The following ZNF569 variants were observed in gnomAD, a reference collection of about 807,000 sequenced individuals.
ZNF569 encodes the protein zinc finger protein 569.
In ZNF569, 38 loss-of-function variants were observed where a neutral mutation model predicts 56.3. The ratio of observed to expected loss-of-function variants is 0.68; its 90% CI spans 0.52 to 0.88. ZNF569 has a LOEUF of 0.88. Ranked by LOEUF, ZNF569 falls within the 40% of genes least tolerant of loss-of-function variation. ZNF569 has a pLI of 0.00. For synonymous variants in ZNF569, 241 were observed against 262.9 expected, an observed-to-expected ratio of 0.92 and a Z score of 0.81; for missense variants, 666 against 809.2, an observed-to-expected ratio of 0.82 and a Z score of 2.15.
At chr19:37,439,571 G>T (rs1027143453) in intron 3 of ZNF569, among the ~76,000 whole-genome samples, 2 of 152,044 alleles carry the variant, frequency 1.3e-5, no homozygotes, top group African/African-American at 4.8e-5. Flanking sequence ...CAAAAGAAAG[G>T]AAATCAGTGT....
intron 3 of ZNF569, among the ~76,000 whole-genome samples, chr19:37,431,139 G>A (rs1284784160): frequency 6.6e-6 from 1 of 152,110 alleles, no homozygotes; most frequent in African/African-American, 2.4e-5. Flanking sequence ...TGCAATTCCT[G>A]GGCAAGTCCT....
At position 37,412,350 on chromosome 19, in the gene ZNF569, T is replaced by G; in HGVS notation, c.*247A>C. On this transcript the variant is annotated 3_prime_UTR_variant, in exon 6 of 6. Transcript: ENST00000316950. Reference sequence around the variant, plus strand: ...TTATGCTGATGGAAGATACCTTGTTTCAGATTTCAATGAGAATGCTGATTA... The same window carrying G: ...TTATGCTGATGGAAGATACCTTGTTGCAGATTTCAATGAGAATGCTGATTA... 2.0e-6 allele frequency: 1 copy of G among 508,352 alleles called. No individual in the cohort carries two copies. The highest frequency in any genetic ancestry group is 6.9e-5 in the South Asian group (1 of 14,574). 31.5% of individuals were successfully genotyped at this position (508,352 alleles called of 1,614,324 possible). A position where few individuals can be genotyped will look rare whatever the true frequency, so the allele number is the denominator to read the frequency against.
intron 2 of ZNF569, chr19:37,455,213 A>G: frequency 4.5e-6 from 1 of 223,418 alleles, no homozygotes; most frequent in Middle Eastern, 1.5e-3. Context: ...ATTAGCTAGG[A>G]TGGAGTGGGA....
At chr19:37,431,142 C>A (rs370309025) in intron 3 of ZNF569, among the ~76,000 whole-genome samples, 16 of 152,224 alleles carry the variant, frequency 1.1e-4, no homozygotes, top group African/African-American at 3.9e-4. Context: ...AATTCCTGGG[C>A]AAGTCCTGGT....
rs1400235812 is a variant in ZNF569 at position 37,467,219 on chromosome 19, A to ACACCAGGGGCGACGCTTCCCAGAGG, written c.-365_-341dup. ...AGAGCGCCACAAGTCTCGGTCCGTT[A>ACACCAGGGGCGACGCTTCCCAGAGG]CACCAGGGGCGACGCTTCCCAGAGG... On this transcript the variant is annotated 5_prime_UTR_variant, in exon 1 of 6. Coordinates refer to ENST00000316950, the MANE Select transcript of ZNF569 (RefSeq NM_152484.3). 1.5e-4 allele frequency: 23 copies of ACACCAGGGGCGACGCTTCCCAGAGG among 152,462 alleles called. No homozygotes were observed. Among genetic ancestry groups the ACACCAGGGGCGACGCTTCCCAGAGG allele is most frequent in the African/African-American group, 5.3e-4 (22 of 41,582 alleles). The allele number at this position is 152,462 out of a possible 1,614,324, so 9.4% of individuals were successfully genotyped here.
intron 3 of ZNF569, among the ~76,000 whole-genome samples, chr19:37,441,484 C>T (rs1176211617): frequency 6.6e-6 from 1 of 152,050 alleles, no homozygotes; most frequent in Non-Finnish European, 1.5e-5. Flanking sequence ...ATAGTGGGAC[C>T]TTGTCTCTAC....
Position 37,412,567 on chromosome 19 carries a change from C to T in ZNF569, c.*30G>A. 1 of 1,541,756 alleles carries T rather than the reference C, an allele frequency of 6.5e-7. No individual in the cohort carries two copies. Reference sequence around the variant, plus strand: ...TGAGGTGTTAATTCCTTCAGATGGCCTTGCCATATTCACAATATTCATAGG... The same window carrying T: ...TGAGGTGTTAATTCCTTCAGATGGCTTTGCCATATTCACAATATTCATAGG... On this transcript the variant is annotated 3_prime_UTR_variant, in exon 6 of 6. Transcript: ENST00000316950.
At chr19:37,435,248 T>C (rs1005482379) in intron 3 of ZNF569, among the ~76,000 whole-genome samples, 2 of 152,222 alleles carry the variant, frequency 1.3e-5, no homozygotes, top group East Asian at 3.8e-4. Context: ...AGTGTTAATT[T>C]GTCATCAGCT....
chr19:37,468,700 G>T (rs1034577014), upstream of ZNF569, among the ~76,000 whole-genome samples: 2 of 152,158 alleles, frequency 1.3e-5, no homozygotes, highest in Non-Finnish European at 2.9e-5. Context: ...TAGAGACGGG[G>T]TTTCACCATG....
In ZNF569 at chr19:37,421,910, C is replaced by T. The variant is rs906997965; in HGVS notation, c.238+3958G>A. Reference sequence around the variant, plus strand: ...GACTACAGGCATGCACCATTACATCCGGCTAATTTCTGTATTTTTAGTAGA... The same window carrying T: ...GACTACAGGCATGCACCATTACATCTGGCTAATTTCTGTATTTTTAGTAGA... On this transcript the variant is annotated intron_variant, in intron 5 of 5. Coordinates refer to ENST00000316950, the MANE Select transcript of ZNF569 (RefSeq NM_152484.3). 6.8e-5 allele frequency among the ~76,000 whole-genome samples: 10 copies of T among 146,290 alleles called. No homozygotes were observed. The South Asian group carries it at 9.2e-4, about 14-fold the overall frequency.
chr19:37,444,826 A>G (rs1234481407), intron 3 of ZNF569, 81 bp downstream of exon 3: 2 of 1,127,954 alleles, frequency 1.8e-6, no homozygotes, highest in Non-Finnish European at 2.6e-6. Flanking sequence ...GACCTTTATA[A>G]TTTACTGTAT....
chr19:37,441,880 C>T (rs993470445), intron 3 of ZNF569, among the ~76,000 whole-genome samples: 1 of 152,132 alleles, frequency 6.6e-6, no homozygotes, highest in African/African-American at 2.4e-5. Context: ...CTAAATCATC[C>T]AGCATATACC....
intron 2 of ZNF569, among the ~76,000 whole-genome samples, chr19:37,446,405 C>A (rs974618100): frequency 1.3e-5 from 2 of 151,950 alleles, no homozygotes; most frequent in South Asian, 4.2e-4. Context: ...AAAAAATTAT[C>A]CAGGCATGGT....
In ZNF569 at chr19:37,412,675, G is replaced by A. The variant is rs2040857145; in HGVS notation, c.1983C>T (p.Pro661=). Residue 661 remains proline (P), a synonymous_variant, in exon 6 of 6, where the codon CCC becomes CCT. Transcript: ENST00000316950. ...CCTTGCCACACTCAATACAGTGATA[G>A]GGCTTCTCACCTGTATGTTTTCTCA... The part of the protein sequence containing the change: ...LHMRKHTGEK[P]YHCIECGKAF... 1 of 1,614,014 alleles carries A rather than the reference G, an allele frequency of 6.2e-7. No homozygotes were observed. Among genetic ancestry groups the A allele is most frequent in the Non-Finnish European group, 8.5e-7 (1 of 1,179,944 alleles).
intron 3 of ZNF569, among the ~76,000 whole-genome samples, chr19:37,440,077 T>A (rs1477653729): frequency 6.6e-6 from 1 of 152,136 alleles, no homozygotes; most frequent in African/African-American, 2.4e-5. Flanking sequence ...AAAGGATAAA[T>A]GCTTGGATAG....
chr19:37,449,135 T>C (rs1227333496), intron 2 of ZNF569, among the ~76,000 whole-genome samples: 1 of 152,212 alleles, frequency 6.6e-6, no homozygotes, highest in Admixed American at 6.5e-5. Flanking sequence ...TCCAGATACC[T>C]TTCTGTTCTT....
rs976295227 is a variant in ZNF569 at position 37,435,123 on chromosome 19, A to AAAAT, written c.16-8749_16-8746dup. Among the ~76,000 whole-genome samples the AAAAT allele has an allele frequency of 2.0e-5, 3 of 152,296 alleles. No homozygotes were observed. The South Asian group carries it at 6.2e-4, about 32-fold the overall frequency. ...CTGGTGACAGCGAGACTCCATCTCAAAAATAAATAAATAAATAAATTAAAA... is the reference window on the plus strand; with the variant it reads ...CTGGTGACAGCGAGACTCCATCTCAAAAATAAATAAATAAATAAATAAATTAAAA... On this transcript the variant is annotated intron_variant, in intron 3 of 5. Transcript: ENST00000316950.
chr19:37,464,651 CAGG>C (rs1033324585), intron 2 of ZNF569, among the ~76,000 whole-genome samples: 1 of 152,058 alleles, frequency 6.6e-6, no homozygotes, highest in African/African-American at 2.4e-5. Flanking sequence ...CCTAGGTTTG[CAGG>C]AGGCTATACC....
intron 2 of ZNF569, among the ~76,000 whole-genome samples, chr19:37,462,458 A>G (rs1282174083): frequency 5.3e-5 from 8 of 150,984 alleles, no homozygotes; most frequent in Admixed American, 1.3e-4. Flanking sequence ...TCTAGACTTG[A>G]TATCTCCAAC....
Sources: gnomAD v4.1 joint callset for allele counts (sites outside exome capture counted in the v4.1 genomes callset) on GRCh38, gnomAD v4.1.1 for gene constraint, MANE v1.5 for transcripts, NCBI Gene and HGNC (gene_info 2026-07-23, HGNC 2026-07-21) for gene names.